The following SYNE2 variants were observed in gnomAD, a reference collection of about 807,000 sequenced individuals.
SYNE2 encodes the protein spectrin repeat containing nuclear envelope protein 2.
SYNE2 carries 431 observed loss-of-function variants against 856.3 expected under a neutral mutation model. That is an observed-to-expected ratio of 0.50 (90% CI 0.47 to 0.55). SYNE2 has a LOEUF of 0.55. Ranked by LOEUF, SYNE2 falls within the 20% of genes least tolerant of loss-of-function variation. The probability of loss-of-function intolerance (pLI) is 0.00; values close to 1 mark genes in which losing one functional copy is unlikely to be tolerated. For missense variants in SYNE2, 8,129 were observed against 8,023.2 expected (o/e 1.01, Z -0.50); for synonymous variants, 2,923 against 2,872.3 (o/e 1.02, Z -0.56).
Position 63,978,015 on chromosome 14 carries a change from A to G in SYNE2, c.1404A>G (p.Arg468=). The G allele has an allele frequency of 6.3e-7, 1 of 1,583,722 alleles. No homozygotes were observed. Among genetic ancestry groups the G allele is most frequent in the Non-Finnish European group, 8.7e-7 (1 of 1,152,300 alleles). ...CTAACAAATTGGAGGAAATGAAAAG[A>G]CGGTGTGTAACACTACCATTTCACA... is the stretch of plus-strand genomic sequence containing the variant. ...VPPNKLEEMK[R]RINNILEKKF... The change falls in exon 13 of 116, where the codon AGA becomes AGG. Residue 468 remains arginine (R), a splice_region_variant and synonymous_variant. Coordinates refer to ENST00000555002, the MANE Select transcript of SYNE2 (RefSeq NM_182914.3).
Position 64,002,100 on chromosome 14 carries a change from A to G in SYNE2, c.3786+19A>G, listed in dbSNP as rs374889181. The G allele has an allele frequency of 1.6e-5, 26 of 1,576,524 alleles. No individual in the cohort carries two copies. The African/African-American group carries it at 2.0e-4, about 12-fold the overall frequency. ...CCTAAGGGTAAGTATATAAGTTCTC[A>G]CAGTGTATTTACAGAATAATCGAGT... On this transcript the variant is annotated intron_variant, in intron 29 of 115. Coordinates refer to ENST00000555002, the MANE Select transcript of SYNE2 (RefSeq NM_182914.3).
At chr14:64,105,988 T>C (rs922976306) in intron 64 of SYNE2, among the ~76,000 whole-genome samples, 1 of 150,570 alleles carries the variant, frequency 6.6e-6, no homozygotes, top group African/African-American at 2.5e-5. Context: ...AGATGAAGGT[T>C]GCAGTGAAGC....
chr14:63,765,229 G>A (rs770362877), intron 1 of SYNE2, among the ~76,000 whole-genome samples: 2 of 152,220 alleles, frequency 1.3e-5, no homozygotes, highest in African/African-American at 2.4e-5. Context: ...ATAAAGAGCA[G>A]AGTAGCAGAA....
At chr14:64,104,091 G>T (rs2097755768) in intron 64 of SYNE2, among the ~76,000 whole-genome samples, 1 of 152,150 alleles carries the variant, frequency 6.6e-6, no homozygotes, top group African/African-American at 2.4e-5. Context: ...TGCTTCCCAT[G>T]TCAATTACTA....
chr14:63,805,134 G>A (rs1398824529), intron 1 of SYNE2, among the ~76,000 whole-genome samples: 2 of 152,194 alleles, frequency 1.3e-5, no homozygotes, highest in Non-Finnish European at 2.9e-5. Flanking sequence ...TACTAGCCTT[G>A]TAGGATAGTT....
chr14:63,916,914 C>T (rs2095539677), intron 2 of SYNE2, among the ~76,000 whole-genome samples: 1 of 151,706 alleles, frequency 6.6e-6, no homozygotes, highest in African/African-American at 2.4e-5. Context: ...TGAGACCCCT[C>T]TGGCTCCACA....
chr14:63,907,559 G>A (rs2095423055), intron 1 of SYNE2, among the ~76,000 whole-genome samples: 1 of 152,052 alleles, frequency 6.6e-6, no homozygotes, highest in African/African-American at 2.4e-5. Context: ...TATACAGTAA[G>A]TACTGTATAA....
Position 64,090,975 on chromosome 14 carries a change from A to G in SYNE2, c.11903A>G (p.Gln3968Arg). Reference sequence around the variant, plus strand: ...GGAATGAAACCTCTGCCTGTGTTTCAGCGGACAAATCAGCTTTTACAAGAT... The same window carrying G: ...GGAATGAAACCTCTGCCTGTGTTTCGGCGGACAAATCAGCTTTTACAAGAT... ...QTGMKPLPVF[Q>R]RTNQLLQDIK... The change falls in exon 60 of 116, where the codon CAG (glutamine) becomes CGG (arginine). Residue 3968 changes from glutamine to arginine, a missense_variant. By Grantham distance (43) the Gln-to-Arg change is conservative. Transcript: ENST00000555002. The G allele has an allele frequency of 6.2e-7, 1 of 1,614,188 alleles. No individual in the cohort carries two copies. The highest frequency in any genetic ancestry group is 8.5e-7 in the Non-Finnish European group (1 of 1,180,024).
At chr14:64,041,308 A>G (rs543630500) in intron 45 of SYNE2, among the ~76,000 whole-genome samples, 1 of 152,304 alleles carries the variant, frequency 6.6e-6, no homozygotes, top group South Asian at 2.1e-4. Flanking sequence ...CCACAAGCCT[A>G]AACAGGAAAA....
chr14:63,822,642 A>G (rs1379843229), intron 1 of SYNE2, among the ~76,000 whole-genome samples: 1 of 152,236 alleles, frequency 6.6e-6, no homozygotes, highest in Non-Finnish European at 1.5e-5. Context: ...GAAACCTAAA[A>G]GGCCATGTGC....
intron 1 of SYNE2, chr14:63,762,001 C>G (rs1886503044): frequency 4.5e-6 from 2 of 443,284 alleles, no homozygotes; most frequent in African/African-American, 4.0e-5. Context: ...TAGGTTTTGA[C>G]AAGTTTGCAT....
intron 16 of SYNE2, 54 bp downstream of exon 16, chr14:63,981,227 T>C: frequency 6.9e-7 from 1 of 1,443,332 alleles, no homozygotes; most frequent in Non-Finnish European, 9.7e-7. Flanking sequence ...TGTTTTATTT[T>C]GTGACCCTCA....
chr14:63,807,115 G>A (rs1244880638), intron 1 of SYNE2, among the ~76,000 whole-genome samples: 1 of 152,014 alleles, frequency 6.6e-6, no homozygotes, highest in African/African-American at 2.4e-5. Flanking sequence ...TTGAGCCCAG[G>A]ATCCAAGACC....
intron 63 of SYNE2, among the ~76,000 whole-genome samples, chr14:64,100,535 T>A (rs71425343): frequency 0.073 from 3,142 of 43,182 alleles, 120 homozygotes; most frequent in African/African-American, 0.13. Context: ...AAAAAAAATA[T>A]ATATATATAT....
intron 68 of SYNE2, 147 bp downstream of exon 68, chr14:64,121,208 A>C (rs1487145774): frequency 8.9e-7 from 1 of 1,123,512 alleles, no homozygotes; most frequent in African/African-American, 1.6e-5. Context: ...TGGGCAACAT[A>C]GCGAGACCCT....
intron 99 of SYNE2, among the ~76,000 whole-genome samples, chr14:64,201,627 T>C (rs1390126734): frequency 6.6e-6 from 1 of 152,094 alleles, no homozygotes; most frequent in African/African-American, 2.4e-5. Flanking sequence ...TTCTAGAACT[T>C]ACTTACACTT....
At position 64,223,128 on chromosome 14, in the gene SYNE2, T is replaced by A. The variant is rs1474566496; in HGVS notation, c.20191-61T>A. 4 of 1,591,258 alleles carry A rather than the reference T, an allele frequency of 2.5e-6. No individual in the cohort carries two copies. The African/African-American group carries it at 5.4e-5, about 21-fold the overall frequency. On this transcript the variant is annotated intron_variant, in intron 112 of 115. Transcript: ENST00000555002. The stretch of plus-strand genomic sequence containing the variant: ...TTTTCTGGTACTGAGAAAAACCTCC[T>A]GTGTCCACACTCGCTTCCCTTTGGA...
chr14:63,769,201 G>A (rs1886799515), intron 1 of SYNE2, among the ~76,000 whole-genome samples: 1 of 152,198 alleles, frequency 6.6e-6, no homozygotes, highest in Non-Finnish European at 1.5e-5. Context: ...TTCAGAATTG[G>A]TTCCAGCATC....
intron 1 of SYNE2, among the ~76,000 whole-genome samples, chr14:63,780,808 G>T (rs1458294157): frequency 6.6e-6 from 1 of 152,132 alleles, no homozygotes; most frequent in Non-Finnish European, 1.5e-5. Context: ...TGCTTCATTT[G>T]CATGTTGTTC....
Sources: gnomAD v4.1 joint callset for allele counts (sites outside exome capture counted in the v4.1 genomes callset) on GRCh38, gnomAD v4.1.1 for gene constraint, MANE v1.5 for transcripts, NCBI Gene and HGNC (gene_info 2026-07-23, HGNC 2026-07-21) for gene names.